The following BMPR2 variants were observed in gnomAD, a reference collection of about 807,000 sequenced individuals.
The protein encoded by BMPR2 is bone morphogenetic protein receptor type-2.
A neutral mutation model predicts 100.8 loss-of-function variants in BMPR2; 29 were observed. That is an observed-to-expected ratio of 0.29 (90% confidence interval 0.21 to 0.39). BMPR2 has a LOEUF of 0.39. Ranked by LOEUF, BMPR2 falls within the 10% of genes least tolerant of loss-of-function variation. The pLI is 1.00. For missense variants in BMPR2, 1,011 were observed against 1,274.5 expected, an observed-to-expected ratio of 0.79 and a Z score of 3.15; for synonymous variants, 382 against 442.3, an observed-to-expected ratio of 0.86 and a Z score of 1.71.
intron 3 of BMPR2, among the ~76,000 whole-genome samples, chr2:202,476,080 T>TA (rs56243938): frequency 0.06 from 5,767 of 95,358 alleles, 264 homozygotes; most frequent in Non-Finnish European, 0.083. Flanking sequence ...GTCTCAAGGT[T>TA]AAAAAAAAAA....
chr2:202,558,975 T>A (rs1688632963), intron 12 of BMPR2, among the ~76,000 whole-genome samples: 2 of 151,674 alleles, frequency 1.3e-5, no homozygotes, highest in South Asian at 4.2e-4. Context: ...CTGTTATTCT[T>A]CTGAAAAATA....
intron 1 of BMPR2, among the ~76,000 whole-genome samples, chr2:202,458,362 C>T (rs1451863078): frequency 6.7e-6 from 1 of 150,316 alleles, no homozygotes; most frequent in Non-Finnish European, 1.5e-5. Flanking sequence ...CCCAGCTACT[C>T]AGGAGACTTA....
intron 1 of BMPR2, among the ~76,000 whole-genome samples, chr2:202,450,551 C>T (rs531327514): frequency 6.6e-6 from 1 of 151,972 alleles, no homozygotes; most frequent in East Asian, 1.9e-4. Flanking sequence ...ATTAGCCGGG[C>T]ATGGTGGCGC....
chr2:202,393,444 T>A (rs1456701870), intron 1 of BMPR2, among the ~76,000 whole-genome samples: 1 of 152,140 alleles, frequency 6.6e-6, no homozygotes, highest in Non-Finnish European at 1.5e-5. Context: ...GACTGTGACC[T>A]CTGGTAGTAA....
intron 1 of BMPR2, among the ~76,000 whole-genome samples, chr2:202,445,326 A>G (rs1691829071): frequency 6.7e-6 from 1 of 149,910 alleles, no homozygotes; most frequent in Admixed American, 6.6e-5. Flanking sequence ...TCCCAGTCTC[A>G]AGCCATCCTC....
chr2:202,504,789 C>T (rs1402849115), intron 3 of BMPR2, among the ~76,000 whole-genome samples: 1 of 150,792 alleles, frequency 6.6e-6, no homozygotes, highest in Non-Finnish European at 1.5e-5. Context: ...AAGCGATTCT[C>T]CTGCCTCAGC....
intron 7 of BMPR2, among the ~76,000 whole-genome samples, chr2:202,524,728 C>A (rs1022197242): frequency 6.6e-6 from 1 of 152,048 alleles, no homozygotes; most frequent in African/African-American, 2.4e-5. Flanking sequence ...GGGCAGCAGA[C>A]CAAGACTGTG....
At chr2:202,457,663 T>C (rs1478250256) in intron 1 of BMPR2, among the ~76,000 whole-genome samples, 1 of 151,696 alleles carries the variant, frequency 6.6e-6, no homozygotes, top group Non-Finnish European at 1.5e-5. Context: ...TTCATCTTTT[T>C]CCCCCAACAT....
At chr2:202,530,552 A>C (rs1263696740) in intron 7 of BMPR2, among the ~76,000 whole-genome samples, 1 of 152,196 alleles carries the variant, frequency 6.6e-6, no homozygotes, top group African/African-American at 2.4e-5. Flanking sequence ...GCGTGTTAGA[A>C]TCTGAAGTGG....
intron 9 of BMPR2, among the ~76,000 whole-genome samples, chr2:202,541,753 A>G (rs186870712): frequency 1.3e-5 from 2 of 152,174 alleles, no homozygotes; most frequent in Non-Finnish European, 2.9e-5. Context: ...ATACCTATCC[A>G]TCATTGAAAC....
In BMPR2 at chr2:202,417,490, A is replaced by T. The variant is rs1691158695; in HGVS notation, c.76+39940A>T. Among the ~76,000 whole-genome samples, 4 of 151,622 alleles carry T rather than the reference A, an allele frequency of 2.6e-5. No homozygotes were observed. The South Asian group carries it at 8.3e-4, about 31-fold the overall frequency. Reference sequence around the variant, plus strand: ...TCTAATTTTGTATTTTTTAGTAGAGACAGGGTTTCTCCATGTTGGTTAGGC... The same window carrying T: ...TCTAATTTTGTATTTTTTAGTAGAGTCAGGGTTTCTCCATGTTGGTTAGGC... On this transcript the variant is annotated intron_variant, in intron 1 of 12. Transcript: ENST00000374580.
At chr2:202,533,918 C>T (rs993602557) in intron 9 of BMPR2, among the ~76,000 whole-genome samples, 1 of 152,138 alleles carries the variant, frequency 6.6e-6, no homozygotes, top group Non-Finnish European at 1.5e-5. Context: ...TTAGGGATTA[C>T]ATCGTTGTAG....
chr2:202,481,054 C>T, intron 3 of BMPR2, among the ~76,000 whole-genome samples: 1 of 151,424 alleles, frequency 6.6e-6, no homozygotes, highest in East Asian at 1.9e-4. Flanking sequence ...GTCAAGGATC[C>T]ATTGATCCTT....
chr2:202,488,844 T>C (rs1037404414), intron 3 of BMPR2, among the ~76,000 whole-genome samples: 1 of 152,162 alleles, frequency 6.6e-6, no homozygotes, highest in East Asian at 1.9e-4. Flanking sequence ...AGAACTCTTT[T>C]TGTCTTGCAA....
chr2:202,476,316 G>C (rs1692551852), intron 3 of BMPR2, among the ~76,000 whole-genome samples: 1 of 151,878 alleles, frequency 6.6e-6, no homozygotes, highest in East Asian at 1.9e-4. Flanking sequence ...TGTGCTCTCT[G>C]ATTACTGAGC....
chr2:202,557,129 G>A (rs1030631061), intron 12 of BMPR2, among the ~76,000 whole-genome samples: 2 of 150,788 alleles, frequency 1.3e-5, no homozygotes, highest in Non-Finnish European at 3.0e-5. Context: ...TCAGGAGTTC[G>A]AGACCAGCCT....
chr2:202,497,957 AAC>A (rs1559056278), intron 3 of BMPR2, among the ~76,000 whole-genome samples: 1 of 152,212 alleles, frequency 6.6e-6, no homozygotes, highest in Non-Finnish European at 1.5e-5. Flanking sequence ...TCCTCAGACT[AAC>A]AGGCCTAACA....
intron 3 of BMPR2, chr2:202,505,223 T>G (rs950163580): frequency 6.6e-6 from 1 of 152,540 alleles, no homozygotes; most frequent in African/African-American, 2.4e-5. Context: ...GAAGAAAATT[T>G]GCCAATCAGA....
intron 1 of BMPR2, among the ~76,000 whole-genome samples, chr2:202,447,940 C>G (rs566320132): frequency 6.7e-6 from 1 of 150,064 alleles, no homozygotes; most frequent in Non-Finnish European, 1.5e-5. Flanking sequence ...GGATGGCCAC[C>G]CATTGCAACA....
Sources: allele counts gnomAD v4.1 joint callset (sites outside exome capture counted in the v4.1 genomes callset), GRCh38; gene constraint gnomAD v4.1.1; transcripts MANE v1.5; gene names NCBI Gene and HGNC (gene_info 2026-07-23, HGNC 2026-07-21).